ZNF813: variants seen among roughly 807,000 people sequenced by gnomAD.
ZNF813 encodes the protein zinc finger protein 813.
In ZNF813, 3 loss-of-function variants were observed where a neutral mutation model predicts 7.2. The ratio of observed to expected loss-of-function variants is 0.42; its 90% CI spans 0.19 to 1.08. The LOEUF (loss-of-function observed/expected upper bound fraction) is 1.08, where lower values mean the gene tolerates loss of function less well. Ranked by LOEUF, ZNF813 falls within the 50% of genes least tolerant of loss-of-function variation. ZNF813 has a pLI of 0.30. For synonymous variants in ZNF813, 227 were observed against 256.3 expected (o/e 0.89, Z 1.09); for missense variants, 714 against 753.3 (o/e 0.95, Z 0.61).
chr19:53,471,539 G>A (rs2086358956), intron 1 of ZNF813, among the ~76,000 whole-genome samples: 1 of 152,304 alleles, frequency 6.6e-6, no homozygotes, highest in African/African-American at 2.4e-5. Flanking sequence ...GCTGGGTGCG[G>A]TGGCTCACAC....
intron 1 of ZNF813, among the ~76,000 whole-genome samples, chr19:53,481,459 G>T (rs1023855478): frequency 6.8e-6 from 1 of 147,864 alleles, no homozygotes; most frequent in African/African-American, 2.5e-5. Context: ...TGATTCTCCT[G>T]CCTCAGCCTC....
chr19:53,489,373 C>T (rs1386476045), intron 3 of ZNF813, among the ~76,000 whole-genome samples: 1 of 152,002 alleles, frequency 6.6e-6, no homozygotes, highest in African/African-American at 2.4e-5. Context: ...GAAGCTGAGG[C>T]GGGTGGATCA....
At chr19:53,486,981 GTTTTTTTTTTTTT>G (rs67693797) in intron 3 of ZNF813, among the ~76,000 whole-genome samples, 7 of 86,066 alleles carry the variant, frequency 8.1e-5, no homozygotes, top group Non-Finnish European at 1.5e-4. Flanking sequence ...TACTTTTTTA[GTTTTTTTTTTTTT>G]TTTTTTTTTT....
intron 1 of ZNF813, chr19:53,479,500 G>A (rs982172188): frequency 1.6e-5 from 22 of 1,397,716 alleles, no homozygotes; most frequent in African/African-American, 1.3e-4. Context: ...AGTGGCCTCC[G>A]TGAACGGTAG....
chr19:53,471,284 C>T (rs2147153596), intron 1 of ZNF813, among the ~76,000 whole-genome samples: 1 of 152,160 alleles, frequency 6.6e-6, no homozygotes, highest in African/African-American at 2.4e-5. Flanking sequence ...CCAGAGGGTG[C>T]TTGCCAGGTA....
chr19:53,472,021 C>A (rs34655430), intron 1 of ZNF813, among the ~76,000 whole-genome samples: 1 of 151,860 alleles, frequency 6.6e-6, no homozygotes, highest in African/African-American at 2.4e-5. Flanking sequence ...ATGATGCTCT[C>A]GTAACTTCTA....
chr19:53,482,153 G>T (rs903624948), intron 1 of ZNF813, among the ~76,000 whole-genome samples: 27 of 152,062 alleles, frequency 1.8e-4, no homozygotes, highest in Non-Finnish European at 7.4e-5. Flanking sequence ...GTGCCCAGTT[G>T]TAATTAGAAT....
At chr19:53,483,905 G>A in intron 2 of ZNF813, 68 bp downstream of exon 2, 1 of 1,612,794 alleles carries the variant, frequency 6.2e-7, no homozygotes, top group South Asian at 1.1e-5. Context: ...TTGGAGTTGG[G>A]AATCTTCTCT....
chr19:53,471,057 A>G (rs1418612757), intron 1 of ZNF813, among the ~76,000 whole-genome samples: 1 of 152,128 alleles, frequency 6.6e-6, no homozygotes, highest in African/African-American at 2.4e-5. Context: ...CAGGGGGCCA[A>G]TCTGTGTCTT....
chr19:53,493,233 C>G lies in ZNF813; in HGVS notation c.*1147C>G, dbSNP rs2086472059. 5.5e-6 allele frequency: 1 copy of G among 182,454 alleles called. No homozygotes were observed. The highest frequency in any genetic ancestry group is 2.4e-5 in the African/African-American group (1 of 42,120). 11.3% of individuals were successfully genotyped at this position (182,454 alleles called of 1,614,324 possible). On this transcript the variant is annotated 3_prime_UTR_variant, in exon 4 of 4. Coordinates refer to ENST00000396403, the MANE Select transcript of ZNF813 (RefSeq NM_001004301.4). ...AACATGAGCCACTTTTCCCAGTTTG[C>G]TTTTTGTTCTTTAACAAAAACTGAT...
chr19:53,481,985 G>C (rs964081864), intron 1 of ZNF813, among the ~76,000 whole-genome samples: 1 of 152,098 alleles, frequency 6.6e-6, no homozygotes, highest in Non-Finnish European at 1.5e-5. Context: ...AGGGTAGCTT[G>C]GTGAAAATTT....
In ZNF813 at chr19:53,493,513, T is replaced by C. The variant is rs2708841; in HGVS notation, c.*1427T>C. The stretch of plus-strand genomic sequence containing the variant: ...ATTGTTTATTGTTACAAACTTCTCA[T>C]CTTTTTGCTTTTATTCCTAAGTATT... On this transcript the variant is annotated 3_prime_UTR_variant, in exon 4 of 4. Coordinates refer to ENST00000396403, the MANE Select transcript of ZNF813 (RefSeq NM_001004301.4). 0.22 allele frequency: 33,487 copies of C among 151,796 alleles called. 4,376 individuals are homozygous for C. Among genetic ancestry groups the C allele is most frequent in the African/African-American group, 0.38 (15,390 of 40,888 alleles). 9.4% of individuals were successfully genotyped at this position (151,796 alleles called of 1,614,324 possible).
Position 53,495,968 on chromosome 19 carries a change from C to A in ZNF813, c.*3882C>A. On this transcript the variant is annotated 3_prime_UTR_variant, in exon 4 of 4. Transcript: ENST00000396403. ...TTCCATTCCCCCAGTGGATTCAGAT[C>A]AAAACTGGTAATAAAATCAGGTACG... 2 of 369,930 alleles carry A rather than the reference C, an allele frequency of 5.4e-6. No homozygotes were observed. The highest frequency in any genetic ancestry group is 4.9e-5 in the South Asian group (2 of 40,598). 22.9% of individuals were successfully genotyped at this position (369,930 alleles called of 1,614,324 possible). A position where few individuals can be genotyped will look rare whatever the true frequency, so the allele number is the denominator to read the frequency against.
At chr19:53,484,797 C>G (rs2086424768) in intron 2 of ZNF813, among the ~76,000 whole-genome samples, 1 of 152,226 alleles carries the variant, frequency 6.6e-6, no homozygotes, top group Non-Finnish European at 1.5e-5. Context: ...AACTGCTGAT[C>G]TCAGGTGATC....
At chr19:53,476,716 C>T (rs1043284533) in intron 1 of ZNF813, among the ~76,000 whole-genome samples, 6 of 151,816 alleles carry the variant, frequency 4.0e-5, no homozygotes, top group Non-Finnish European at 7.4e-5. Context: ...TGCAGTGGTG[C>T]GATCTTGGCT....
chr19:53,488,570 G>A (rs1005319124), intron 3 of ZNF813, among the ~76,000 whole-genome samples: 4 of 147,496 alleles, frequency 2.7e-5, no homozygotes, highest in African/African-American at 7.5e-5. Flanking sequence ...CACCACACCC[G>A]GCTAATTTTT....
At chr19:53,476,444 G>C (rs1465070116) in intron 1 of ZNF813, among the ~76,000 whole-genome samples, 1 of 151,934 alleles carries the variant, frequency 6.6e-6, no homozygotes, top group Non-Finnish European at 1.5e-5. Flanking sequence ...GACCGGCCAA[G>C]ATGGTGAAAC....
chr19:53,468,605 A>G (rs1248489044), intron 1 of ZNF813, among the ~76,000 whole-genome samples: 6 of 152,118 alleles, frequency 3.9e-5, no homozygotes, highest in East Asian at 1.9e-4. Flanking sequence ...AAAGGAATCT[A>G]TATCATGAAT....
At chr19:53,476,368 C>A (rs912456400) in intron 1 of ZNF813, among the ~76,000 whole-genome samples, 2 of 151,972 alleles carry the variant, frequency 1.3e-5, no homozygotes, top group African/African-American at 4.8e-5. Context: ...TGGTGGCTCG[C>A]GCCTGTAATC....
Sources: allele counts gnomAD v4.1 joint callset (sites outside exome capture counted in the v4.1 genomes callset), GRCh38; gene constraint gnomAD v4.1.1; transcripts MANE v1.5; gene names NCBI Gene and HGNC (gene_info 2026-07-23, HGNC 2026-07-21).